Variants in BORCS5 observed in about 807,000 individuals in gnomAD.
BORCS5 encodes the protein BLOC-1 related complex subunit 5, also known as BLOC-1-related complex subunit 5.
A neutral mutation model predicts 22.1 loss-of-function variants in BORCS5; 17 were observed. The observed-to-expected ratio is 0.77, with a 90% CI of 0.53 to 1.15. The LOEUF (loss-of-function observed/expected upper bound fraction) is 1.15. BORCS5 is among the 50% of genes most tolerant of loss of function. BORCS5 has a pLI of 0.00. For synonymous variants in BORCS5, 117 were observed against 99.8 expected (o/e 1.17, Z -1.03); for missense variants, 247 against 253.2 (o/e 0.98, Z 0.17).
chr12:12,396,970 T>G (rs956303917), intron 2 of BORCS5, among the ~76,000 whole-genome samples: 1 of 152,190 alleles, frequency 6.6e-6, no homozygotes, highest in African/African-American at 2.4e-5. Flanking sequence ...GGCCTTTTCC[T>G]TTGTCTTTTT....
At chr12:12,435,824 T>C (rs761401401) in intron 3 of BORCS5, 39 bp downstream of exon 3, 10 of 1,588,638 alleles carry the variant, frequency 6.3e-6, no homozygotes, top group South Asian at 5.6e-5. Flanking sequence ...TGACTGGTTG[T>C]TGTGATTCTC....
chr12:12,393,028 G>A (rs1324823966), intron 2 of BORCS5, among the ~76,000 whole-genome samples: 3 of 152,006 alleles, frequency 2.0e-5, no homozygotes, highest in African/African-American at 7.3e-5. Context: ...GAGCCCAAGA[G>A]TTCAAGACCA....
intron 2 of BORCS5, among the ~76,000 whole-genome samples, chr12:12,392,735 T>A (rs2136061090): frequency 6.6e-6 from 1 of 152,256 alleles, no homozygotes; most frequent in Admixed American, 6.5e-5. Flanking sequence ...ATTCAAATTA[T>A]TATAGAAAGT....
chr12:12,357,243 G>A lies in BORCS5; in HGVS notation c.-209G>A. 1 of 1,471,144 alleles carries A rather than the reference G, an allele frequency of 6.8e-7. No individual in the cohort carries two copies. The highest frequency in any genetic ancestry group is 2.5e-5 in the East Asian group (1 of 40,272). 91.1% of individuals were successfully genotyped at this position (1,471,144 alleles called of 1,614,324 possible). Reference sequence around the variant, plus strand: ...GTGCGTTCGCGCCGCGCCTCCTTGCGTTTCTGTTCCCCAAATAGGGCCTCT... The same window carrying A: ...GTGCGTTCGCGCCGCGCCTCCTTGCATTTCTGTTCCCCAAATAGGGCCTCT... On this transcript the variant is annotated 5_prime_UTR_variant, in exon 1 of 4. Coordinates refer to ENST00000314565, the MANE Select transcript of BORCS5 (RefSeq NM_058169.6).
chr12:12,432,686 CAG>C (rs1389865564), intron 2 of BORCS5, among the ~76,000 whole-genome samples: 3 of 152,066 alleles, frequency 2.0e-5, no homozygotes, highest in Admixed American at 1.3e-4. Context: ...GAATACTACT[CAG>C]AAATAAAAAA....
chr12:12,434,485 T>G (rs1281198661), intron 2 of BORCS5, among the ~76,000 whole-genome samples: 1 of 152,132 alleles, frequency 6.6e-6, no homozygotes, highest in African/African-American at 2.4e-5. Context: ...ACTTAGACAT[T>G]ATTTGCAAAA....
intron 3 of BORCS5, among the ~76,000 whole-genome samples, chr12:12,464,661 C>T (rs1276958359): frequency 6.6e-6 from 1 of 152,124 alleles, no homozygotes; most frequent in Non-Finnish European, 1.5e-5. Flanking sequence ...AAGTGCCCAA[C>T]ACGATGGCGG....
chr12:12,433,399 GA>G (rs1942480197), intron 2 of BORCS5, among the ~76,000 whole-genome samples: 1 of 151,564 alleles, frequency 6.6e-6, no homozygotes, highest in South Asian at 2.1e-4. Flanking sequence ...AGCTACTTGG[GA>G]AGCCAAGGTG....
At chr12:12,359,824 G>T (rs900706289) in intron 1 of BORCS5, among the ~76,000 whole-genome samples, 6 of 152,106 alleles carry the variant, frequency 3.9e-5, no homozygotes, top group Admixed American at 3.3e-4. Context: ...GTGTCGCAGA[G>T]ATGGGCCTTG....
At chr12:12,443,087 G>A (rs562101855) in intron 3 of BORCS5, among the ~76,000 whole-genome samples, 1 of 152,356 alleles carries the variant, frequency 6.6e-6, no homozygotes, top group African/African-American at 2.4e-5. Flanking sequence ...TGGTTAGCGT[G>A]AGCTGTTGGC....
At chr12:12,367,232 A>G (rs1467343238) in intron 2 of BORCS5, among the ~76,000 whole-genome samples, 1 of 152,222 alleles carries the variant, frequency 6.6e-6, no homozygotes. Flanking sequence ...CTAGATTTCA[A>G]ATGACCAGTT....
At chr12:12,374,964 A>T (rs541892965) in intron 2 of BORCS5, among the ~76,000 whole-genome samples, 8 of 152,124 alleles carry the variant, frequency 5.3e-5, no homozygotes, top group African/African-American at 1.7e-4. Flanking sequence ...AAAAAAAAAA[A>T]AAAAATTATT....
intron 3 of BORCS5, among the ~76,000 whole-genome samples, chr12:12,438,360 C>CAAAAAAAAAAAAAAAAAAAAAAAA (rs57737663): frequency 4.2e-4 from 10 of 23,810 alleles, no homozygotes; most frequent in Non-Finnish European, 6.9e-4. Flanking sequence ...GATTTCATCT[C>CAAAAAAAAAAAAAAAAAAAAAAAA]AAAAAAAAAA....
chr12:12,462,411 C>T (rs2136162137), intron 3 of BORCS5, among the ~76,000 whole-genome samples: 1 of 152,334 alleles, frequency 6.6e-6, no homozygotes, highest in South Asian at 2.1e-4. Context: ...CAAATCCTTG[C>T]TCTCATGGAA....
intron 2 of BORCS5, among the ~76,000 whole-genome samples, chr12:12,414,686 G>T (rs1281817055): frequency 1.1e-5 from 1 of 92,166 alleles, no homozygotes; most frequent in Admixed American, 9.5e-5. Flanking sequence ...CGGGCGGGGG[G>T]CTGACCCCCC....
intron 2 of BORCS5, among the ~76,000 whole-genome samples, chr12:12,412,377 T>A (rs1941758973): frequency 6.6e-6 from 1 of 152,186 alleles, no homozygotes; most frequent in Admixed American, 6.5e-5. Context: ...TTCTTTTTGA[T>A]GCTATTGGAA....
intron 3 of BORCS5, chr12:12,452,222 TCC>T: frequency 3.0e-6 from 2 of 661,808 alleles, no homozygotes; most frequent in South Asian, 2.8e-5. Context: ...AGGCTGAAGC[TCC>T]CCCTCAGCCA....
At chr12:12,364,195 G>A in intron 2 of BORCS5, among the ~76,000 whole-genome samples, 1 of 151,932 alleles carries the variant, frequency 6.6e-6, no homozygotes, top group Non-Finnish European at 1.5e-5. Context: ...GGCCACCATG[G>A]TGACACCCCA....
At chr12:12,409,311 GCTGTA>G (rs1941664079) in intron 2 of BORCS5, among the ~76,000 whole-genome samples, 1 of 152,046 alleles carries the variant, frequency 6.6e-6, no homozygotes, top group Non-Finnish European at 1.5e-5. Flanking sequence ...ATGTTGGTGT[GCTGTA>G]CCCATTAACT....
Sources: allele counts gnomAD v4.1 joint callset (sites outside exome capture counted in the v4.1 genomes callset), GRCh38; gene constraint gnomAD v4.1.1; transcripts MANE v1.5; gene names NCBI Gene and HGNC (gene_info 2026-07-23, HGNC 2026-07-21).